The following SOX6 variants were observed in gnomAD, a reference collection of about 807,000 sequenced individuals.
The protein encoded by SOX6 is transcription factor SOX-6.
A neutral mutation model predicts 97.8 loss-of-function variants in SOX6; 11 were observed. The ratio of observed to expected loss-of-function variants is 0.11; its 90% CI spans 0.07 to 0.19. The LOEUF (loss-of-function observed/expected upper bound fraction) is 0.19. Ranked by LOEUF, SOX6 falls within the 10% of genes least tolerant of loss-of-function variation. SOX6 has a pLI of 1.00. For synonymous variants in SOX6, 360 were observed against 371.4 expected, an observed-to-expected ratio of 0.97 and a Z score of 0.35; for missense variants, 810 against 1,039.5, an observed-to-expected ratio of 0.78 and a Z score of 3.04.
chr11:16,042,088 G>T (rs1176383194), intron 12 of SOX6, among the ~76,000 whole-genome samples: 1 of 152,060 alleles, frequency 6.6e-6, no homozygotes, highest in African/African-American at 2.4e-5. Flanking sequence ...TCAAGAAAAT[G>T]GTAATTATCT....
intron 3 of SOX6, among the ~76,000 whole-genome samples, chr11:16,709,852 G>A (rs556145223): frequency 7.2e-5 from 11 of 152,248 alleles, no homozygotes; most frequent in African/African-American, 2.2e-4. Context: ...AAATGGTGCA[G>A]AAAGAAGAAT....
chr11:16,011,072 G>GA (rs1803911317), intron 13 of SOX6, among the ~76,000 whole-genome samples: 3 of 152,024 alleles, frequency 2.0e-5, no homozygotes, highest in Non-Finnish European at 4.4e-5. Context: ...AAACAGGCTA[G>GA]AACTCTGTCT....
At chr11:16,712,751 C>G (rs1439766457) in intron 3 of SOX6, among the ~76,000 whole-genome samples, 2 of 152,102 alleles carry the variant, frequency 1.3e-5, no homozygotes, top group African/African-American at 4.8e-5. Context: ...CCTTATGGCA[C>G]TTACTATATA....
chr11:15,994,476 A>C (rs941923924), intron 13 of SOX6, among the ~76,000 whole-genome samples: 1 of 152,040 alleles, frequency 6.6e-6, no homozygotes, highest in African/African-American at 2.4e-5. Flanking sequence ...TGAAATTAGA[A>C]AAGTAAATAG....
At chr11:16,497,835 G>A (rs886130288) in intron 4 of SOX6, among the ~76,000 whole-genome samples, 15 of 152,172 alleles carry the variant, frequency 9.9e-5, no homozygotes, top group Admixed American at 3.9e-4. Flanking sequence ...CCAAATCTAC[G>A]TCTGATTCGT....
At chr11:16,224,026 C>T (rs987415335) in intron 4 of SOX6, among the ~76,000 whole-genome samples, 1 of 151,916 alleles carries the variant, frequency 6.6e-6, no homozygotes, top group Non-Finnish European at 1.5e-5. Context: ...ACCAATTTTG[C>T]CTCCTTTCCC....
intron 3 of SOX6, chr11:16,283,951 T>C (rs1854656353): frequency 2.4e-6 from 1 of 409,154 alleles, no homozygotes; most frequent in Non-Finnish European, 4.8e-6. Context: ...AAATTCAGAG[T>C]ATAATTATGC....
chr11:16,444,110 A>C (rs948881879), intron 1 of SOX6, among the ~76,000 whole-genome samples: 2 of 152,148 alleles, frequency 1.3e-5, no homozygotes, highest in Non-Finnish European at 2.9e-5. Flanking sequence ...TGGAATAAGA[A>C]AACAAGAAGC....
intron 6 of SOX6, among the ~76,000 whole-genome samples, chr11:16,175,324 G>C (rs1400252867): frequency 6.6e-6 from 1 of 151,768 alleles, no homozygotes; most frequent in South Asian, 2.1e-4. Flanking sequence ...ATTACTAGGG[G>C]TTTTATATAA....
At chr11:16,609,579 A>G (rs1387577911) in intron 4 of SOX6, among the ~76,000 whole-genome samples, 1 of 152,226 alleles carries the variant, frequency 6.6e-6, no homozygotes, top group Non-Finnish European at 1.5e-5. Flanking sequence ...AAGGGGAGAA[A>G]GTCTCATCTC....
chr11:16,235,287 T>C lies in SOX6; in HGVS notation c.446-616A>G, dbSNP rs532154008. Among the ~76,000 whole-genome samples the C allele has an allele frequency of 7.2e-5, 11 of 152,228 alleles. 1 individual carries two copies. The highest frequency in any genetic ancestry group is 7.2e-4 in the Admixed American group (11 of 15,276). On this transcript the variant is annotated intron_variant, in intron 3 of 15. Coordinates refer to ENST00000683767, the MANE Select transcript of SOX6 (RefSeq NM_001367873.1). ...TATTTTTATTAAATAAATACCTATA[T>C]AAATGCCATTTATTATTTGCCCCAC...
chr11:16,310,408 T>C (rs1855565649), intron 3 of SOX6, among the ~76,000 whole-genome samples: 1 of 152,100 alleles, frequency 6.6e-6, no homozygotes, highest in Non-Finnish European at 1.5e-5. Context: ...CTCCTCAATA[T>C]AATCCCTAAA....
At chr11:16,271,057 G>C (rs1262919376) in intron 3 of SOX6, among the ~76,000 whole-genome samples, 2 of 151,224 alleles carry the variant, frequency 1.3e-5, no homozygotes, top group East Asian at 1.9e-4. Flanking sequence ...ATCAGAGAAA[G>C]AATACATCCA....
At chr11:16,192,329 AATTGACAC>A (rs1360274302) in intron 4 of SOX6, among the ~76,000 whole-genome samples, 1 of 152,194 alleles carries the variant, frequency 6.6e-6, no homozygotes, top group African/African-American at 2.4e-5. Context: ...AGACCTTTAA[AATTGACAC>A]ATTTTTTTTT....
At chr11:16,085,557 A>G (rs1011975475) in intron 9 of SOX6, among the ~76,000 whole-genome samples, 3 of 152,198 alleles carry the variant, frequency 2.0e-5, no homozygotes, top group Non-Finnish European at 4.4e-5. Flanking sequence ...CCAGCTGACT[A>G]GAGCAGAGCT....
intron 4 of SOX6, among the ~76,000 whole-genome samples, chr11:16,587,775 GGT>G (rs1848111501): frequency 6.6e-6 from 1 of 152,170 alleles, no homozygotes; most frequent in Non-Finnish European, 1.5e-5. Flanking sequence ...TTCTGGAAGA[GGT>G]TAACTAACAG....
At chr11:15,974,806 T>A (rs1449510291) in intron 15 of SOX6, among the ~76,000 whole-genome samples, 1 of 152,152 alleles carries the variant, frequency 6.6e-6, no homozygotes, top group Middle Eastern at 3.2e-3. Context: ...ACAAGGCACA[T>A]CATATCCCTA....
At chr11:16,398,518 T>G (rs953478819) in intron 1 of SOX6, among the ~76,000 whole-genome samples, 19 of 151,434 alleles carry the variant, frequency 1.3e-4, no homozygotes. Flanking sequence ...CACAATGTAT[T>G]AGCTAAACGG....
intron 3 of SOX6, among the ~76,000 whole-genome samples, chr11:16,678,708 C>T (rs760734319): frequency 2.0e-5 from 3 of 152,118 alleles, no homozygotes; most frequent in African/African-American, 7.2e-5. Context: ...TAAGGGAAGC[C>T]GTGACAAACT....
Sources: gnomAD v4.1 joint callset for allele counts (sites outside exome capture counted in the v4.1 genomes callset) on GRCh38, gnomAD v4.1.1 for gene constraint, MANE v1.5 for transcripts, NCBI Gene and HGNC (gene_info 2026-07-23, HGNC 2026-07-21) for gene names.